TBC1D14: variants seen among roughly 807,000 people sequenced by gnomAD.
TBC1D14 encodes the protein TBC1 domain family, member 14.
TBC1D14 carries 26 observed loss-of-function variants against 79.0 expected under a neutral mutation model. The ratio of observed to expected loss-of-function variants is 0.33; its 90% CI spans 0.24 to 0.46. TBC1D14 has a LOEUF of 0.46. TBC1D14 is among the 20% of genes least tolerant of loss of function. TBC1D14 has a pLI of 1.00. For missense variants in TBC1D14, 769 were observed against 887.6 expected, an observed-to-expected ratio of 0.87 and a Z score of 1.70; for synonymous variants, 394 against 349.9, an observed-to-expected ratio of 1.13 and a Z score of -1.40.
chr4:6,932,324 A>G (rs1239326809), intron 2 of TBC1D14, among the ~76,000 whole-genome samples: 1 of 151,406 alleles, frequency 6.6e-6, no homozygotes, highest in East Asian at 2.0e-4. Flanking sequence ...GCGAGCCAAG[A>G]TCGCCGCCAC....
intron 12 of TBC1D14, among the ~76,000 whole-genome samples, chr4:7,021,672 T>A (rs200448087): frequency 1.4e-5 from 2 of 147,026 alleles, no homozygotes; most frequent in Non-Finnish European, 3.0e-5. Context: ...TTTTTTTTTT[T>A]ACTTTTAAAA....
At chr4:6,967,153 A>G in intron 2 of TBC1D14, 151 bp from the exon 3 acceptor site, 2 of 1,085,442 alleles carry the variant, frequency 1.8e-6, no homozygotes, top group Non-Finnish European at 2.6e-6. Flanking sequence ...CCTGCCGCGT[A>G]ATTCTGTGTC....
chr4:6,962,095 C>T (rs1020587719), intron 2 of TBC1D14, among the ~76,000 whole-genome samples: 4 of 152,146 alleles, frequency 2.6e-5, no homozygotes, highest in Admixed American at 6.5e-5. Context: ...TCTTTGCGGA[C>T]GTTGTCAGGT....
Position 6,934,084 on chromosome 4 carries a change from A to G in TBC1D14, c.722+9973A>G, listed in dbSNP as rs373739328. ...TTGCAGGAAGGAGGTGGAGTAGGTGACTAGAGAGGATCCTGGCAGGAGTGG... is the reference window on the plus strand; with the variant it reads ...TTGCAGGAAGGAGGTGGAGTAGGTGGCTAGAGAGGATCCTGGCAGGAGTGG... On this transcript the variant is annotated intron_variant, in intron 2 of 13. Transcript: ENST00000409757. Among the ~76,000 whole-genome samples the G allele has an allele frequency of 2.6e-5, 4 of 152,250 alleles. No individual in the cohort carries two copies. The East Asian group carries it at 7.7e-4, about 29-fold the overall frequency.
chr4:6,989,166 T>C (rs1221402206), intron 3 of TBC1D14, among the ~76,000 whole-genome samples: 3 of 152,200 alleles, frequency 2.0e-5, no homozygotes, highest in Non-Finnish European at 2.9e-5. Context: ...TTCAGGAGCC[T>C]CGTGCCCTTC....
chr4:6,967,945 A>T (rs780560755), intron 3 of TBC1D14, among the ~76,000 whole-genome samples: 4 of 152,032 alleles, frequency 2.6e-5, no homozygotes, highest in Non-Finnish European at 5.9e-5. Context: ...TGTCCTCACC[A>T]CTGGGCTGCC....
intron 2 of TBC1D14, among the ~76,000 whole-genome samples, chr4:6,925,861 C>T (rs1237957633): frequency 6.6e-6 from 1 of 152,180 alleles, no homozygotes; most frequent in Non-Finnish European, 1.5e-5. Flanking sequence ...GTACCCGTTC[C>T]ACGCGGACCT....
chr4:7,006,179 TAAAAGAA>T (rs1449485947), intron 8 of TBC1D14, among the ~76,000 whole-genome samples: 2 of 151,974 alleles, frequency 1.3e-5, no homozygotes, highest in Admixed American at 6.6e-5. Context: ...TACAAAAAGA[TAAAAGAA>T]AAAAGAAATA....
intron 3 of TBC1D14, among the ~76,000 whole-genome samples, chr4:6,981,274 C>T (rs985237036): frequency 6.6e-6 from 1 of 152,174 alleles, no homozygotes; most frequent in Non-Finnish European, 1.5e-5. Context: ...ATCCACCTGC[C>T]TAAGCTTCCC....
chr4:6,956,561 C>T (rs1010361367), intron 2 of TBC1D14, among the ~76,000 whole-genome samples: 28 of 152,196 alleles, frequency 1.8e-4, no homozygotes, highest in Non-Finnish European at 3.8e-4. Context: ...CCTTCACTCT[C>T]GCCTGGCCCT....
chr4:6,985,853 C>T (rs1717772542), intron 3 of TBC1D14, among the ~76,000 whole-genome samples: 2 of 152,166 alleles, frequency 1.3e-5, no homozygotes, highest in African/African-American at 4.8e-5. Context: ...CAGAATCAGC[C>T]TCTTTCCCTT....
intron 2 of TBC1D14, among the ~76,000 whole-genome samples, chr4:6,944,864 G>A (rs569536149): frequency 1.3e-5 from 2 of 152,258 alleles, no homozygotes; most frequent in East Asian, 1.9e-4. Context: ...GTGGCCTTCC[G>A]GGCATGCGTG....
At chr4:7,004,473 A>G (rs914767284) in intron 7 of TBC1D14, among the ~76,000 whole-genome samples, 4 of 152,170 alleles carry the variant, frequency 2.6e-5, no homozygotes, top group Admixed American at 6.5e-5. Flanking sequence ...CTCTGTGTCA[A>G]TTCCAGTGCT....
At chr4:7,013,103 A>T (rs1337441405) in intron 11 of TBC1D14, among the ~76,000 whole-genome samples, 1 of 152,196 alleles carries the variant, frequency 6.6e-6, no homozygotes, top group Non-Finnish European at 1.5e-5. Context: ...ATTTTGAAGG[A>T]GAAACCATAG....
chr4:6,987,615 T>TA, intron 3 of TBC1D14: 1 of 387,088 alleles, frequency 2.6e-6, no homozygotes, highest in Non-Finnish European at 4.6e-6. Context: ...TCACGTTTAC[T>TA]AGGACGACGA....
At chr4:6,960,216 G>C (rs1473816978) in intron 2 of TBC1D14, among the ~76,000 whole-genome samples, 1 of 151,568 alleles carries the variant, frequency 6.6e-6, no homozygotes. Context: ...CAAGTAGCTG[G>C]GACTACAGAT....
chr4:6,949,231 C>T (rs939951071), intron 2 of TBC1D14, among the ~76,000 whole-genome samples: 1 of 151,358 alleles, frequency 6.6e-6, no homozygotes, highest in African/African-American at 2.4e-5. Context: ...TGGGAGGGAG[C>T]CCTTCTATTT....
At chr4:6,959,516 T>C (rs531637596) in intron 2 of TBC1D14, among the ~76,000 whole-genome samples, 1 of 152,056 alleles carries the variant, frequency 6.6e-6, no homozygotes, top group South Asian at 2.1e-4. Context: ...TGCTGCTGTT[T>C]CCAGCAGGGC....
At chr4:6,936,987 G>A (rs1712399369) in intron 2 of TBC1D14, among the ~76,000 whole-genome samples, 1 of 152,060 alleles carries the variant, frequency 6.6e-6, no homozygotes, top group Admixed American at 6.5e-5. Context: ...GCACGATCTC[G>A]GCTCACCGCA....
Sources: gnomAD v4.1 joint callset for allele counts (sites outside exome capture counted in the v4.1 genomes callset) on GRCh38, gnomAD v4.1.1 for gene constraint, MANE v1.5 for transcripts, NCBI Gene and HGNC (gene_info 2026-07-23, HGNC 2026-07-21) for gene names.